Variants in HPSE2 observed in about 807,000 individuals in gnomAD.
HPSE2 encodes inactive heparanase-2.
HPSE2 carries 38 observed loss-of-function variants against 60.5 expected under a neutral mutation model. The ratio of observed to expected loss-of-function variants is 0.63; its 90% confidence interval spans 0.48 to 0.82. The LOEUF is 0.82. Among genes scored for constraint, HPSE2 ranks in the 40% least tolerant of loss-of-function variants. The probability of loss-of-function intolerance (pLI) is 0.00; values close to 1 mark genes in which losing one functional copy is unlikely to be tolerated. For synonymous variants in HPSE2, 295 were observed against 293.2 expected, an observed-to-expected ratio of 1.01 and a Z score of -0.06; for missense variants, 713 against 740.4, an observed-to-expected ratio of 0.96 and a Z score of 0.43.
intron 5 of HPSE2, among the ~76,000 whole-genome samples, chr10:98,713,324 G>A (rs1178266759): frequency 1.3e-5 from 2 of 152,056 alleles, no homozygotes; most frequent in Non-Finnish European, 2.9e-5. Context: ...AACTAGGTTT[G>A]TAAATGATTC....
intron 2 of HPSE2, among the ~76,000 whole-genome samples, chr10:99,198,805 A>G (rs992661506): frequency 2.0e-5 from 3 of 152,206 alleles, no homozygotes; most frequent in Admixed American, 2.0e-4. Flanking sequence ...ATCATCGTGC[A>G]TATGTGAAAC....
intron 3 of HPSE2, among the ~76,000 whole-genome samples, chr10:98,764,017 T>A (rs981679237): frequency 6.6e-5 from 10 of 152,158 alleles, no homozygotes; most frequent in Admixed American, 2.6e-4. Flanking sequence ...AACTTCAACA[T>A]ACATAGATGT....
chr10:98,951,646 A>G (rs1207329697), intron 3 of HPSE2, among the ~76,000 whole-genome samples: 2 of 152,152 alleles, frequency 1.3e-5, no homozygotes, highest in East Asian at 1.9e-4. Context: ...GGAATTCTGA[A>G]GATGTTTAAA....
Position 99,062,537 on chromosome 10 carries a change from C to T in HPSE2, c.610+81701G>A, listed in dbSNP as rs1842479210. On this transcript the variant is annotated intron_variant, in intron 3 of 11. Transcript: ENST00000370552. ...TTTCTGTTGCATTTTTCTCTACTTG[C>T]CATCTCTCTGTTATCTACTGATACA... Among the ~76,000 whole-genome samples the T allele has an allele frequency of 3.9e-5, 6 of 151,976 alleles. No homozygotes were observed. The South Asian group carries it at 1.3e-3, about 32-fold the overall frequency.
intron 3 of HPSE2, among the ~76,000 whole-genome samples, chr10:98,745,889 A>C (rs1333883011): frequency 6.6e-6 from 1 of 152,210 alleles, no homozygotes; most frequent in Non-Finnish European, 1.5e-5. Context: ...AGAGTGTCCA[A>C]GTTACCCCAT....
chr10:98,917,218 G>A (rs1954144099), intron 3 of HPSE2, among the ~76,000 whole-genome samples: 1 of 152,022 alleles, frequency 6.6e-6, no homozygotes, highest in Non-Finnish European at 1.5e-5. Context: ...GAATTTGAGA[G>A]GGAAACACTA....
chr10:98,640,900 GC>G (rs1402291565), intron 7 of HPSE2, among the ~76,000 whole-genome samples: 1 of 152,176 alleles, frequency 6.6e-6, no homozygotes, highest in Non-Finnish European at 1.5e-5. Flanking sequence ...ACCTCTGGGA[GC>G]CACTCCAGCC....
intron 3 of HPSE2, among the ~76,000 whole-genome samples, chr10:99,090,972 C>T (rs536812094): frequency 6.6e-6 from 1 of 152,254 alleles, no homozygotes; most frequent in Admixed American, 6.5e-5. Flanking sequence ...CCAATTCTGT[C>T]CTGGCCTGCC....
intron 9 of HPSE2, among the ~76,000 whole-genome samples, chr10:98,535,202 A>G (rs1020194703): frequency 1.3e-5 from 2 of 152,248 alleles, no homozygotes; most frequent in African/African-American, 4.8e-5. Flanking sequence ...CAGATTTTAA[A>G]AAGTCCAGGC....
intron 3 of HPSE2, among the ~76,000 whole-genome samples, chr10:98,840,863 A>C (rs1190899160): frequency 6.6e-6 from 1 of 152,190 alleles, no homozygotes; most frequent in Non-Finnish European, 1.5e-5. Context: ...TAGAGAGAAA[A>C]AAGTTTTAAT....
chr10:98,639,411 A>G (rs917194268), intron 7 of HPSE2, among the ~76,000 whole-genome samples: 1 of 152,168 alleles, frequency 6.6e-6, no homozygotes, highest in Non-Finnish European at 1.5e-5. Flanking sequence ...GACCCTGGGC[A>G]TGTTCTGTTT....
At chr10:98,822,492 T>C (rs568360064) in intron 3 of HPSE2, among the ~76,000 whole-genome samples, 59 of 152,216 alleles carry the variant, frequency 3.9e-4, no homozygotes, top group African/African-American at 1.4e-3. Context: ...AGCACGAATT[T>C]TAAAATTAAA....
At chr10:99,219,511 C>T (rs1166613601) in intron 2 of HPSE2, among the ~76,000 whole-genome samples, 2 of 152,164 alleles carry the variant, frequency 1.3e-5, no homozygotes, top group Non-Finnish European at 2.9e-5. Context: ...CAACCACCCC[C>T]AAAACACAAG....
At chr10:99,221,845 T>C (rs1252187455) in intron 2 of HPSE2, among the ~76,000 whole-genome samples, 1 of 152,008 alleles carries the variant, frequency 6.6e-6, no homozygotes, top group African/African-American at 2.4e-5. Context: ...TTAGGGAGCC[T>C]TGGAAAGCTC....
At chr10:99,267,712 G>A in the HPSE2 span, among the ~76,000 whole-genome samples, 5 of 151,662 alleles carry the variant, frequency 3.3e-5, no homozygotes, top group East Asian at 3.9e-4. Flanking sequence ...CCTGGGAGGC[G>A]GAGGTTGCAG....
chr10:98,869,052 T>A (rs1189319742), intron 3 of HPSE2, among the ~76,000 whole-genome samples: 2 of 152,114 alleles, frequency 1.3e-5, no homozygotes, highest in Admixed American at 1.3e-4. Context: ...TGAGTATGTG[T>A]ATGTGTGCGC....
chr10:99,101,190 T>A (rs764307472), intron 3 of HPSE2, among the ~76,000 whole-genome samples: 1 of 152,142 alleles, frequency 6.6e-6, no homozygotes, highest in Non-Finnish European at 1.5e-5. Flanking sequence ...AGACACAGAC[T>A]GGCAAACTGT....
the HPSE2 span, among the ~76,000 whole-genome samples, chr10:99,288,562 G>C: frequency 1.3e-5 from 2 of 151,818 alleles, no homozygotes; most frequent in Non-Finnish European, 2.9e-5. Context: ...CAAAATGAGG[G>C]AATGAAATGA....
At chr10:98,874,100 T>C (rs1952807846) in intron 3 of HPSE2, among the ~76,000 whole-genome samples, 1 of 152,072 alleles carries the variant, frequency 6.6e-6, no homozygotes, top group South Asian at 2.1e-4. Context: ...AAATTCCTCA[T>C]ATTAGACCTT....
Sources: allele counts gnomAD v4.1 joint callset (sites outside exome capture counted in the v4.1 genomes callset), GRCh38; gene constraint gnomAD v4.1.1; transcripts MANE v1.5; gene names NCBI Gene and HGNC (gene_info 2026-07-23, HGNC 2026-07-21).